The following IL1RAPL1 variants were observed in gnomAD, a reference collection of about 807,000 sequenced individuals.
The protein encoded by IL1RAPL1 is interleukin 1 receptor accessory protein like 1, also known as interleukin-1 receptor accessory protein-like 1.
In IL1RAPL1, 3 loss-of-function variants were observed where a neutral mutation model predicts 48.4. That is an observed-to-expected ratio of 0.06 (90% CI 0.03 to 0.16). IL1RAPL1 has a LOEUF of 0.16. Ranked by LOEUF, IL1RAPL1 falls within the 10% of genes least tolerant of loss-of-function variation. The pLI, the probability that IL1RAPL1 is intolerant of heterozygous loss-of-function variation, is 1.00. For synonymous variants in IL1RAPL1, 185 were observed against 187.7 expected, an observed-to-expected ratio of 0.99 and a Z score of 0.12; for missense variants, 349 against 530.6, an observed-to-expected ratio of 0.66 and a Z score of 3.36.
chrX:28,649,542 G>A (rs183134364), intron 1 of IL1RAPL1, among the ~76,000 whole-genome samples: 7 of 112,663 alleles, frequency 6.2e-5, no homozygotes, highest in Admixed American at 5.6e-4. Flanking sequence ...ATTACTAATG[G>A]GAAATAGTGT....
At chrX:29,256,973 A>C (rs998941996) in intron 2 of IL1RAPL1, among the ~76,000 whole-genome samples, 4 of 111,501 alleles carry the variant, frequency 3.6e-5, no homozygotes, top group African/African-American at 1.3e-4. Flanking sequence ...TTGAATTTGT[A>C]ATGATAAATA....
At chrX:28,594,482 A>G (rs1386942590) in intron 1 of IL1RAPL1, among the ~76,000 whole-genome samples, 1 of 112,065 alleles carries the variant, frequency 8.9e-6, no homozygotes, top group East Asian at 2.8e-4. Context: ...ACCTAATAGA[A>G]TTATATGCAT....
At chrX:29,025,333 C>T (rs774022059) in intron 2 of IL1RAPL1, among the ~76,000 whole-genome samples, 38 of 111,518 alleles carry the variant, frequency 3.4e-4, no homozygotes, top group Non-Finnish European at 6.4e-4. Context: ...ATTGTTGAGT[C>T]AATAGCCTTG....
intron 2 of IL1RAPL1, among the ~76,000 whole-genome samples, chrX:28,800,245 G>A (rs1308626684): frequency 3.6e-5 from 4 of 111,639 alleles, no homozygotes; most frequent in African/African-American, 9.8e-5. Context: ...ATTGGATTTA[G>A]GATCCACTGG....
At position 29,614,436 on chromosome X, in the gene IL1RAPL1, A is replaced by G. The variant is rs182098834; in HGVS notation, c.704-53994A>G. On this transcript the variant is annotated intron_variant, in intron 5 of 10. Coordinates refer to ENST00000378993, the MANE Select transcript of IL1RAPL1 (RefSeq NM_014271.4). ...ATTCGTCTAAAATGATTTCTGTTTTATAGTATTTAGTGCATAAAGACTGGA... is the reference window on the plus strand; with the variant it reads ...ATTCGTCTAAAATGATTTCTGTTTTGTAGTATTTAGTGCATAAAGACTGGA... 1.6e-3 allele frequency among the ~76,000 whole-genome samples: 175 copies of G among 112,638 alleles called. 1 individual carries two copies. Among genetic ancestry groups the G allele is most frequent in the African/African-American group, 5.2e-3 (160 of 31,043 alleles).
intron 6 of IL1RAPL1, among the ~76,000 whole-genome samples, chrX:29,870,902 A>G (rs567983450): frequency 8.9e-6 from 1 of 111,747 alleles, no homozygotes; most frequent in South Asian, 3.7e-4. Flanking sequence ...GTAATAAATT[A>G]CCACAAGTTT....
intron 5 of IL1RAPL1, among the ~76,000 whole-genome samples, chrX:29,443,228 C>T (rs1477271596): frequency 1.1e-5 from 1 of 87,675 alleles, no homozygotes. Context: ...TGTGCTCTCG[C>T]TTGCTCTCTC....
At chrX:29,003,903 C>T (rs1372637525) in intron 2 of IL1RAPL1, among the ~76,000 whole-genome samples, 1 of 111,922 alleles carries the variant, frequency 8.9e-6, no homozygotes, top group Non-Finnish European at 1.9e-5. Context: ...GCACTTTGGG[C>T]AGCCAAGGCA....
chrX:29,927,932 G>A (rs964249328), intron 8 of IL1RAPL1, among the ~76,000 whole-genome samples: 10 of 104,133 alleles, frequency 9.6e-5, no homozygotes, highest in African/African-American at 3.6e-4. Flanking sequence ...GAGAAGGGAA[G>A]GGAGGGAAGG....
chrX:29,450,041 T>C (rs1410550214), intron 5 of IL1RAPL1, among the ~76,000 whole-genome samples: 1 of 111,123 alleles, frequency 9.0e-6, no homozygotes, highest in Non-Finnish European at 1.9e-5. Context: ...ACTTTTACTA[T>C]TACAATCTTA....
chrX:28,800,347 G>C (rs1348804953), intron 2 of IL1RAPL1, among the ~76,000 whole-genome samples: 1 of 112,188 alleles, frequency 8.9e-6, no homozygotes, highest in Non-Finnish European at 1.9e-5. Context: ...CACAGGTCTT[G>C]GCGGACATAT....
chrX:29,528,294 T>C (rs1935575596), intron 5 of IL1RAPL1, among the ~76,000 whole-genome samples: 1 of 112,549 alleles, frequency 8.9e-6, no homozygotes, highest in Non-Finnish European at 1.9e-5. Context: ...CTATAGTACA[T>C]ATACACAATA....
At chrX:29,109,385 T>C (rs1461421386) in intron 2 of IL1RAPL1, among the ~76,000 whole-genome samples, 1 of 107,511 alleles carries the variant, frequency 9.3e-6, no homozygotes, top group Non-Finnish European at 1.9e-5. Context: ...ACTCAAACCA[T>C]CCAAACACTT....
chrX:29,441,116 G>C (rs964249091), intron 5 of IL1RAPL1, among the ~76,000 whole-genome samples: 1 of 109,750 alleles, frequency 9.1e-6, no homozygotes, highest in Non-Finnish European at 1.9e-5. Context: ...ATCCTTCACT[G>C]GCCTCTCTTT....
chrX:29,236,535 CTTTTTTTTTCTTTTTT>C (rs1931301672), intron 2 of IL1RAPL1, among the ~76,000 whole-genome samples: 3 of 59,013 alleles, frequency 5.1e-5, no homozygotes, highest in East Asian at 4.4e-4. Flanking sequence ...CTTTCTTTTT[CTTTTTTTTTCTTTTTT>C]TTTTTTTTTT....
At chrX:29,219,437 A>T (rs781661247) in intron 2 of IL1RAPL1, among the ~76,000 whole-genome samples, 9 of 111,495 alleles carry the variant, frequency 8.1e-5, no homozygotes, top group Admixed American at 6.7e-4. Context: ...AGCTACTAAT[A>T]TGAAGAAGGA....
intron 2 of IL1RAPL1, among the ~76,000 whole-genome samples, chrX:28,950,776 A>G (rs1409812910): frequency 9.4e-6 from 1 of 106,620 alleles, no homozygotes; most frequent in African/African-American, 3.4e-5. Flanking sequence ...TACTGGGTAT[A>G]TACCCAAAGG....
intron 1 of IL1RAPL1, among the ~76,000 whole-genome samples, chrX:28,778,556 G>A (rs1886137603): frequency 8.9e-6 from 1 of 111,961 alleles, no homozygotes; most frequent in African/African-American, 3.2e-5. Flanking sequence ...AATACGAAAG[G>A]CGTAAGAAAG....
chrX:29,089,635 A>G (rs925435403), intron 2 of IL1RAPL1, among the ~76,000 whole-genome samples: 1 of 100,541 alleles, frequency 9.9e-6, no homozygotes, highest in Admixed American at 1.1e-4. Flanking sequence ...GGTTTGGCTT[A>G]GGGGAAGTGT....
Sources: allele counts gnomAD v4.1 joint callset (sites outside exome capture counted in the v4.1 genomes callset), GRCh38; gene constraint gnomAD v4.1.1; transcripts MANE v1.5; gene names NCBI Gene and HGNC (gene_info 2026-07-23, HGNC 2026-07-21).